STRN: variants seen among roughly 807,000 people sequenced by gnomAD.
STRN encodes the protein protein phosphatase 2 regulatory subunit B'''alpha.
A neutral mutation model predicts 96.3 loss-of-function variants in STRN; 53 were observed. The ratio of observed to expected loss-of-function variants is 0.55; its 90% CI spans 0.44 to 0.69. The LOEUF is 0.69. Ranked by LOEUF, STRN falls within the 30% of genes least tolerant of loss-of-function variation. The pLI is 0.00. For missense variants in STRN, 987 were observed against 963.9 expected (o/e 1.02, Z -0.32); for synonymous variants, 428 against 355.9 (o/e 1.20, Z -2.28).
At chr2:36,902,436 CCTT>C (rs1286090529) in intron 5 of STRN, 145 bp downstream of exon 5, 1 of 490,076 alleles carries the variant, frequency 2.0e-6, no homozygotes, top group African/African-American at 2.0e-5. Flanking sequence ...ATCCTTGTTA[CCTT>C]CTAACCAAAT....
At chr2:36,903,608 A>C (rs1669745244) in intron 4 of STRN, among the ~76,000 whole-genome samples, 1 of 152,238 alleles carries the variant, frequency 6.6e-6, no homozygotes, top group East Asian at 1.9e-4. Flanking sequence ...CACCGAGTCT[A>C]CTGGATGAAA....
Position 36,851,076 on chromosome 2 carries a change from G to T in STRN, c.2010C>A (p.Val670=). 6.2e-7 allele frequency: 1 copy of T among 1,613,474 alleles called. No homozygotes were observed. Among genetic ancestry groups the T allele is most frequent in the South Asian group, 1.1e-5 (1 of 90,998 alleles). Reference sequence around the variant, plus strand: ...TGATCGGAAGAGTAGGATGACTGATGACTCTATTTATTTGGCAGGAAGAGT... The same window carrying T: ...TGATCGGAAGAGTAGGATGACTGATTACTCTATTTATTTGGCAGGAAGAGT... ...TANSSCQINR[V]ISHPTLPISI... The change falls in exon 16 of 18, where the codon GTC becomes GTA. Residue 670 remains valine, a synonymous_variant. Transcript: ENST00000263918.
chr2:36,889,070 A>G (rs1172609495), intron 7 of STRN, among the ~76,000 whole-genome samples: 1 of 151,988 alleles, frequency 6.6e-6, no homozygotes, highest in African/African-American at 2.4e-5. Context: ...TACTTTTTCT[A>G]CTTTCCATAG....
chr2:36,933,367 C>A (rs1449874285), intron 1 of STRN, among the ~76,000 whole-genome samples: 1 of 152,026 alleles, frequency 6.6e-6, no homozygotes, highest in Admixed American at 6.6e-5. Context: ...GTTCCCGGAA[C>A]CAATACCCTA....
rs1427428085 is a variant in STRN at position 36,849,749 on chromosome 2, G to A, written c.2138C>T (p.Ala713Val). ...VAHLEAVTSL[A>V]VDPNGLYLMS... is the part of the protein sequence containing the mutation. ...CAAGTAAAGGCCATTGGGATCAACT[G>A]CTAAACTTGTAACAGCTTCTAGGTG... Residue 713 changes from alanine to valine, a missense_variant, in exon 17 of 18, where the codon GCA becomes GTA. Physicochemically the swap from Ala to Val is moderately conservative, Grantham distance 64 (BLOSUM62 0). Transcript: ENST00000263918. 6.2e-7 allele frequency: 1 copy of A among 1,614,136 alleles called. No homozygotes were observed. The highest frequency in any genetic ancestry group is 2.2e-5 in the East Asian group (1 of 44,886).
At chr2:36,938,861 A>G (rs1468686392) in intron 1 of STRN, among the ~76,000 whole-genome samples, 1 of 152,202 alleles carries the variant, frequency 6.6e-6, no homozygotes, top group African/African-American at 2.4e-5. Context: ...ATCTTTGAAC[A>G]TTTATTAAAA....
At chr2:36,933,434 G>A (rs1489159243) in intron 1 of STRN, among the ~76,000 whole-genome samples, 1 of 152,146 alleles carries the variant, frequency 6.6e-6, no homozygotes, top group Non-Finnish European at 1.5e-5. Context: ...AGAAAAGAGA[G>A]AATAAGATAT....
intron 7 of STRN, among the ~76,000 whole-genome samples, chr2:36,888,200 G>A (rs1040054783): frequency 6.6e-6 from 1 of 152,132 alleles, no homozygotes; most frequent in Non-Finnish European, 1.5e-5. Flanking sequence ...CTACTACTCT[G>A]ATCACTATGA....
chr2:36,945,595 G>A (rs1036524163), intron 1 of STRN, among the ~76,000 whole-genome samples: 5 of 152,020 alleles, frequency 3.3e-5, no homozygotes, highest in African/African-American at 7.2e-5. Context: ...TGAACCAAGA[G>A]GCAGAGTTGC....
Position 36,849,274 on chromosome 2 carries a change from G to A in STRN, c.*182C>T. 1.4e-6 allele frequency: 1 copy of A among 707,724 alleles called. No individual in the cohort carries two copies. The highest frequency in any genetic ancestry group is 2.2e-6 in the Non-Finnish European group (1 of 448,310). 43.8% of individuals were successfully genotyped at this position (707,724 alleles called of 1,614,324 possible). A position where few individuals can be genotyped will look rare whatever the true frequency, so the allele number is the denominator to read the frequency against. ...GATTCAGCTGAGCTTGCAGCAACCTGAACAAACCTTAGTTTTAGAAAACAG... is the reference window on the plus strand; with the variant it reads ...GATTCAGCTGAGCTTGCAGCAACCTAAACAAACCTTAGTTTTAGAAAACAG... On this transcript the variant is annotated 3_prime_UTR_variant, in exon 18 of 18. Transcript: ENST00000263918.
At chr2:36,952,430 G>C (rs1330026698) in intron 1 of STRN, among the ~76,000 whole-genome samples, 6 of 145,482 alleles carry the variant, frequency 4.1e-5, no homozygotes, top group Admixed American at 2.8e-4. Flanking sequence ...GCCCTGCACA[G>C]TGACCCTGAA....
intron 13 of STRN, among the ~76,000 whole-genome samples, chr2:36,860,858 A>G (rs1307091999): frequency 1.3e-5 from 2 of 152,236 alleles, no homozygotes; most frequent in Admixed American, 6.5e-5. Flanking sequence ...TGCCTAAAAT[A>G]AGAAAACAAC....
chr2:36,941,081 G>T (rs1670834521), intron 1 of STRN, among the ~76,000 whole-genome samples: 1 of 152,176 alleles, frequency 6.6e-6, no homozygotes, highest in South Asian at 2.1e-4. Flanking sequence ...CTGAACCCAG[G>T]GAGCCTGAGG....
Position 36,839,338 on chromosome 2 carries a change from A to G in STRN, c.*10118T>C, listed in dbSNP as rs905959309. 6.6e-6 allele frequency among the ~76,000 whole-genome samples: 1 copy of G among 152,218 alleles called. No homozygotes were observed. The highest frequency in any genetic ancestry group is 2.1e-4 in the South Asian group (1 of 4,824). On this transcript the variant is annotated 3_prime_UTR_variant, in exon 18 of 18. Transcript: ENST00000263918. ...CAGGTGAAGTTTTTGTTTACTGCTGACTGCCAGCAACTAGAACTGTGTGGC... is the reference window on the plus strand; with the variant it reads ...CAGGTGAAGTTTTTGTTTACTGCTGGCTGCCAGCAACTAGAACTGTGTGGC...
At chr2:36,858,257 A>T (rs1307315291) in intron 13 of STRN, among the ~76,000 whole-genome samples, 1 of 152,128 alleles carries the variant, frequency 6.6e-6, no homozygotes, top group African/African-American at 2.4e-5. Flanking sequence ...TTTCCCCCTT[A>T]AAAAAACTGA....
chr2:36,887,266 AAAATAAATAAAT>A (rs34577574), intron 7 of STRN, among the ~76,000 whole-genome samples: 1,806 of 136,464 alleles, frequency 0.013, 22 homozygotes, highest in South Asian at 0.02. Context: ...CATTTCTAGT[AAAATAAATAAAT>A]AAATAAATAA....
At chr2:36,943,930 A>G (rs1269838887) in intron 1 of STRN, among the ~76,000 whole-genome samples, 3 of 152,008 alleles carry the variant, frequency 2.0e-5, no homozygotes, top group Non-Finnish European at 4.4e-5. Flanking sequence ...CAGCCTGGCC[A>G]ACATGGTGAA....
At chr2:36,929,790 T>C (rs74691885) in intron 1 of STRN, among the ~76,000 whole-genome samples, 7,825 of 152,238 alleles carry the variant, frequency 0.051, 329 homozygotes, top group East Asian at 0.13. Context: ...CACAAAATTC[T>C]TGGGTTGGAC....
chr2:36,887,407 T>A (rs968366755), intron 7 of STRN, among the ~76,000 whole-genome samples: 1 of 151,562 alleles, frequency 6.6e-6, no homozygotes, highest in Non-Finnish European at 1.5e-5. Flanking sequence ...GAGGCGGAGG[T>A]TGCAATGAGC....
Sources: gnomAD v4.1 joint callset for allele counts (sites outside exome capture counted in the v4.1 genomes callset) on GRCh38, gnomAD v4.1.1 for gene constraint, MANE v1.5 for transcripts, NCBI Gene and HGNC (gene_info 2026-07-23, HGNC 2026-07-21) for gene names.